The following PRKG2 variants were observed in gnomAD, a reference collection of about 807,000 sequenced individuals.
The protein encoded by PRKG2 is protein kinase cGMP-dependent 2.
A neutral mutation model predicts 97.2 loss-of-function variants in PRKG2; 33 were observed. That is an observed-to-expected ratio of 0.34 (90% CI 0.26 to 0.45). The LOEUF (loss-of-function observed/expected upper bound fraction) is 0.45. PRKG2 is among the 20% of genes least tolerant of loss of function. The probability of loss-of-function intolerance (pLI) is 1.00; values close to 1 mark genes in which losing one functional copy is unlikely to be tolerated. For synonymous variants in PRKG2, 330 were observed against 321.8 expected, an observed-to-expected ratio of 1.03 and a Z score of -0.27; for missense variants, 638 against 900.0, an observed-to-expected ratio of 0.71 and a Z score of 3.73.
intron 2 of PRKG2, among the ~76,000 whole-genome samples, chr4:81,195,492 T>C (rs1487680528): frequency 6.6e-6 from 1 of 152,196 alleles, no homozygotes; most frequent in African/African-American, 2.4e-5. Context: ...CACCACCATC[T>C]ATCTCCAGAA....
At chr4:81,187,693 A>C (rs1752005937) in intron 2 of PRKG2, among the ~76,000 whole-genome samples, 1 of 152,226 alleles carries the variant, frequency 6.6e-6, no homozygotes, top group Non-Finnish European at 1.5e-5. Flanking sequence ...TTTGCAGATG[A>C]CATGATTGTA....
chr4:81,092,341 A>T lies in PRKG2; in HGVS notation c.2193+45T>A, dbSNP rs1298275859. On this transcript the variant is annotated intron_variant, in intron 18 of 18. Transcript: ENST00000264399. ...CATCTAAAATCTGTGTACAAAAACA[A>T]ATCCCTGGGAAAAAAATAAAAAAGT... 14 of 1,335,440 alleles carry T rather than the reference A, an allele frequency of 1.0e-5. No homozygotes were observed. In the East Asian group the frequency reaches 3.4e-4, roughly 32 times the overall value. 82.7% of individuals were successfully genotyped at this position (1,335,440 alleles called of 1,614,324 possible). A position where few individuals can be genotyped will look rare whatever the true frequency, so the allele number is the denominator to read the frequency against.
chr4:81,155,918 T>C (rs1459881142), intron 6 of PRKG2, among the ~76,000 whole-genome samples: 1 of 150,070 alleles, frequency 6.7e-6, no homozygotes. Context: ...CTAAAAGAGC[T>C]CCTGAAGGAA....
chr4:81,128,259 C>T lies in PRKG2; in HGVS notation c.1776+6896G>A, dbSNP rs147285270. On this transcript the variant is annotated intron_variant, in intron 14 of 18. Transcript: ENST00000264399. Reference sequence around the variant, plus strand: ...AGTACCTTATTGAAGATTTTCACATCGATGTTCATCAGGGATATTAGCCTG... The same window carrying T: ...AGTACCTTATTGAAGATTTTCACATTGATGTTCATCAGGGATATTAGCCTG... Among the ~76,000 whole-genome samples the T allele has an allele frequency of 2.3e-3, 348 of 152,212 alleles. 6 individuals carry two copies. In the East Asian group the frequency reaches 0.053, roughly 23 times the overall value.
At chr4:81,104,545 C>A (rs973546057) in intron 16 of PRKG2, 113 bp from the exon 17 acceptor site, 12 of 461,210 alleles carry the variant, frequency 2.6e-5, no homozygotes, top group Non-Finnish European at 2.9e-5. Context: ...TTAATTCATT[C>A]ATTCATTAAA....
intron 13 of PRKG2, among the ~76,000 whole-genome samples, chr4:81,136,849 C>T (rs1363354864): frequency 1.3e-5 from 2 of 152,282 alleles, no homozygotes; most frequent in South Asian, 2.1e-4. Context: ...AAAGTTTCTA[C>T]TTTTTACTCT....
Position 81,200,471 on chromosome 4 carries a change from C to T in PRKG2, c.461+4116G>A, listed in dbSNP as rs147641264. On this transcript the variant is annotated intron_variant, in intron 2 of 18. Transcript: ENST00000264399. ...GAAGCTAGGAAGCTCCAGGAAGCAC[C>T]ACCACTCTTACTATCAATCAATGGG... 2.0e-3 allele frequency among the ~76,000 whole-genome samples: 307 copies of T among 152,274 alleles called. 2 individuals carry two copies. Among genetic ancestry groups the T allele is most frequent in the African/African-American group, 6.9e-3 (285 of 41,572 alleles).
At chr4:81,148,977 A>AT (rs767436677) in intron 8 of PRKG2, 25 bp from the exon 9 acceptor site, 3 of 1,600,180 alleles carry the variant, frequency 1.9e-6, no homozygotes, top group Non-Finnish European at 2.6e-6. Context: ...AGGAAAGTCA[A>AT]TTTTCACTAT....
At chr4:81,206,756 C>A (rs1047187712) in intron 1 of PRKG2, among the ~76,000 whole-genome samples, 1 of 152,160 alleles carries the variant, frequency 6.6e-6, no homozygotes, top group Non-Finnish European at 1.5e-5. Context: ...TTCACTAGTT[C>A]TACCAGAATA....
chr4:81,156,843 G>A (rs946373202), intron 6 of PRKG2, among the ~76,000 whole-genome samples: 90 of 152,232 alleles, frequency 5.9e-4, no homozygotes, highest in Non-Finnish European at 9.8e-4. Flanking sequence ...GGTACATAAC[G>A]AAATGAAGGC....
rs772859724 is a variant in PRKG2 at position 81,174,820 on chromosome 4, G to T, written c.601C>A (p.Pro201Thr). 3 of 1,612,260 alleles carry T rather than the reference G, an allele frequency of 1.9e-6. No homozygotes were observed. Among genetic ancestry groups the T allele is most frequent in the Non-Finnish European group, 1.7e-6 (2 of 1,179,038 alleles). ...GCCAGCACAAAGATATGGTTTCCTG[G>T]TTCTCCTTGCTTAATAATGTAACTC... ...QGSYIIKQGEPGNHIFVLAEG... is the reference protein window; with the variant it reads ...QGSYIIKQGETGNHIFVLAEG... Residue 201 changes from proline (P) to threonine (T), a missense_variant, in exon 3 of 19, where the codon CCA (proline) becomes ACA (threonine). Around this residue, in one of 3 missense-constraint regions of PRKG2, gnomAD observed 332 missense variants for 421.7 expected, o/e 0.79. Transcript: ENST00000264399.
At chr4:81,146,282 A>G (rs1419971896) in intron 9 of PRKG2, among the ~76,000 whole-genome samples, 2 of 152,184 alleles carry the variant, frequency 1.3e-5, no homozygotes, top group African/African-American at 2.4e-5. Context: ...AACTAATCCT[A>G]AAGTCAAGTT....
intron 14 of PRKG2, among the ~76,000 whole-genome samples, chr4:81,122,686 C>T (rs1207680363): frequency 6.6e-6 from 1 of 152,118 alleles, no homozygotes; most frequent in Non-Finnish European, 1.5e-5. Flanking sequence ...CCTTACTTGC[C>T]TCCCTTAGGT....
rs34616910 is a variant in PRKG2, at chr4:81,204,731, T to C, written c.317A>G (p.His106Arg). ...ASPDKVPLEV[H>R]RKTSGLVSLH... The stretch of plus-strand genomic sequence containing the variant: ...AGAGACCAATCCAGAGGTCTTCCGG[T>C]GGACCTCAAGAGGCACTTTATCTGG... The change falls in exon 2 of 19, where the codon CAC (histidine) becomes CGC (arginine). Residue 106 changes from histidine to arginine, a missense_variant. By Grantham distance (29) the His-to-Arg change is conservative. Coordinates refer to ENST00000264399, the MANE Select transcript of PRKG2 (RefSeq NM_006259.3). 2 of 1,614,092 alleles carry C rather than the reference T, an allele frequency of 1.2e-6. No individual in the cohort carries two copies. Among genetic ancestry groups the C allele is most frequent in the East Asian group, 2.2e-5 (1 of 44,892 alleles).
At chr4:81,096,350 G>A (rs1742114325) in intron 17 of PRKG2, among the ~76,000 whole-genome samples, 1 of 151,810 alleles carries the variant, frequency 6.6e-6, no homozygotes. Context: ...GGGTAACATG[G>A]CAAGACACCC....
chr4:81,190,872 A>C (rs938049878), intron 2 of PRKG2, among the ~76,000 whole-genome samples: 1 of 152,204 alleles, frequency 6.6e-6, no homozygotes, highest in Non-Finnish European at 1.5e-5. Flanking sequence ...GCAAATCAAA[A>C]CCACAATGAG....
chr4:81,203,936 C>G (rs1252860152), intron 2 of PRKG2, among the ~76,000 whole-genome samples: 1 of 152,124 alleles, frequency 6.6e-6, no homozygotes, highest in Non-Finnish European at 1.5e-5. Context: ...TCTCCCTGAC[C>G]TCCTTTCCCT....
In PRKG2 at chr4:81,204,587, C is replaced by A; in HGVS notation, c.461G>T (p.Ser154Ile). ...FEKARVRKDSSEKKLITDALN... is the reference protein window; with the variant it reads ...FEKARVRKDSIEKKLITDALN... The stretch of plus-strand genomic sequence containing the variant: ...TTTAAAGGATGCGGAAATTTCTTAC[C>A]TGGAGTCTTTTCTGACTCTTGCTTT... The change falls in exon 2 of 19, where the codon AGT (serine) becomes ATT (isoleucine). Residue 154 changes from serine (S) to isoleucine (I), a missense_variant and splice_region_variant. Ser to Ile is a moderately radical substitution (Grantham distance 142, BLOSUM62 -2). Around this residue, in one of 3 missense-constraint regions of PRKG2, gnomAD observed 332 missense variants for 421.7 expected, o/e 0.79. Coordinates refer to ENST00000264399, the MANE Select transcript of PRKG2 (RefSeq NM_006259.3). The A allele has an allele frequency of 6.2e-7, 1 of 1,611,498 alleles. No individual in the cohort carries two copies. Among genetic ancestry groups the A allele is most frequent in the Non-Finnish European group, 8.5e-7 (1 of 1,178,888 alleles).
At chr4:81,196,704 T>G (rs1190910306) in intron 2 of PRKG2, among the ~76,000 whole-genome samples, 2 of 151,600 alleles carry the variant, frequency 1.3e-5, no homozygotes, top group Non-Finnish European at 2.9e-5. Context: ...TCGCATTTTA[T>G]TATAAAATAT....
Sources: gnomAD v4.1 joint callset for allele counts (sites outside exome capture counted in the v4.1 genomes callset) on GRCh38, gnomAD v4.1.1 for gene constraint, gnomAD v4.1.1 regional missense constraint, MANE v1.5 for transcripts, NCBI Gene and HGNC (gene_info 2026-07-23, HGNC 2026-07-21) for gene names.